Variants in PLAC1 observed in about 807,000 individuals in gnomAD.
PLAC1 encodes placenta associated 1.
For synonymous variants in PLAC1, 68 were observed against 62.1 expected, an observed-to-expected ratio of 1.09 and a Z score of -0.44; for missense variants, 136 against 163.2, an observed-to-expected ratio of 0.83 and a Z score of 0.91.
intron 1 of PLAC1, among the ~76,000 whole-genome samples, chrX:134,744,519 C>T (rs976480036): frequency 1.8e-5 from 2 of 111,469 alleles, no homozygotes; most frequent in Admixed American, 1.9e-4. Flanking sequence ...TACCTGTCCC[C>T]GCTGGGTTAT....
chrX:134,659,526 T>A (rs1258531067), upstream of PLAC1, among the ~76,000 whole-genome samples: 1 of 110,472 alleles, frequency 9.1e-6, no homozygotes, highest in Non-Finnish European at 1.9e-5. Context: ...TGCTGGCCCA[T>A]AAGTGGGGAT....
chrX:134,580,585 C>T (rs1051717142), intron 2 of PLAC1, among the ~76,000 whole-genome samples: 6 of 111,420 alleles, frequency 5.4e-5, no homozygotes, highest in Admixed American at 9.6e-5. Context: ...AGAGTGGCAA[C>T]GGTTGTTTAT....
chrX:134,725,576 C>CTGATAT (rs1275024956), intron 2 of PLAC1, among the ~76,000 whole-genome samples: 1 of 112,248 alleles, frequency 8.9e-6, no homozygotes, highest in Non-Finnish European at 1.9e-5. Context: ...ACACTTTGAA[C>CTGATAT]ATCACTGATA....
intron 2 of PLAC1, among the ~76,000 whole-genome samples, chrX:134,686,125 G>A (rs144716694): frequency 0.012 from 1,376 of 111,855 alleles, 15 homozygotes; most frequent in Middle Eastern, 0.023. Flanking sequence ...GGGTGGAAGA[G>A]TACTCATCCA....
At chrX:134,578,515 CTTTTTTTTTTT>C (rs766626696) in intron 2 of PLAC1, among the ~76,000 whole-genome samples, 34 of 55,970 alleles carry the variant, frequency 6.1e-4, no homozygotes, top group Middle Eastern at 0.043. Context: ...TTCTTTCTTT[CTTTTTTTTTTT>C]TTTTTTTTTT....
At position 134,616,560 on chromosome X, in the gene PLAC1, C is replaced by T. The variant is rs770401260; in HGVS notation, c.-130-14438G>A. ...CTGAGGCAGGAGAATGGTGTGAACC[C>T]GGGAGGCAGAGCTTGCAGTGAGCCG... is the stretch of plus-strand genomic sequence containing the variant. On this transcript the variant is annotated intron_variant, in intron 1 of 2. Transcript: ENST00000359237. Among the ~76,000 whole-genome samples, 512 of 109,107 alleles carry T rather than the reference C, an allele frequency of 4.7e-3. 6 individuals carry two copies. Among genetic ancestry groups the T allele is most frequent in the African/African-American group, 0.015 (445 of 30,119 alleles). 94.7% of individuals were successfully genotyped at this position (109,107 alleles called of 115,157 possible).
intron 2 of PLAC1, among the ~76,000 whole-genome samples, chrX:134,594,444 T>C (rs950348148): frequency 8.0e-5 from 9 of 112,032 alleles, no homozygotes; most frequent in African/African-American, 2.9e-4. Flanking sequence ...ACTTCTATTT[T>C]CTGGAAGACA....
chrX:134,662,927 TCAAA>T (rs1310319182), upstream of PLAC1, among the ~76,000 whole-genome samples: 4 of 111,946 alleles, frequency 3.6e-5, no homozygotes, highest in Non-Finnish European at 7.5e-5. Context: ...AGATCCTGTC[TCAAA>T]CAAACAAACA....
At chrX:134,609,173 C>T (rs1265196862) in intron 1 of PLAC1, among the ~76,000 whole-genome samples, 1 of 110,988 alleles carries the variant, frequency 9.0e-6, no homozygotes, top group Non-Finnish European at 1.9e-5. Context: ...ATGTCATTGT[C>T]ATCTCCCACC....
At chrX:134,660,368 A>G (rs998010598), upstream of PLAC1, among the ~76,000 whole-genome samples, 1 of 112,134 alleles carries the variant, frequency 8.9e-6, no homozygotes, top group African/African-American at 3.2e-5. Flanking sequence ...AGCCTCCCAA[A>G]GTGCTGGGAT....
At chrX:134,717,799 A>T (rs1602933821) in intron 2 of PLAC1, among the ~76,000 whole-genome samples, 1 of 112,638 alleles carries the variant, frequency 8.9e-6, no homozygotes, top group South Asian at 3.7e-4. Context: ...TCCTTAGTGG[A>T]GTCTTTGCTC....
In PLAC1 at chrX:134,612,370, C is replaced by T. The variant is rs768654494; in HGVS notation, c.-130-10248G>A. On this transcript the variant is annotated intron_variant, in intron 1 of 2. Coordinates refer to ENST00000359237, the MANE Select transcript of PLAC1 (RefSeq NM_021796.4). ...GTATGTAAAGCGTTTAGCACAGTGC[C>T]GGACACATAGGAAGCTCTCAATACA... 1.1e-3 allele frequency among the ~76,000 whole-genome samples: 123 copies of T among 111,997 alleles called. 2 individuals are homozygous for T. Among genetic ancestry groups the T allele is most frequent in the African/African-American group, 3.4e-3 (105 of 30,839 alleles).
chrX:134,721,990 T>C (rs774842640), intron 2 of PLAC1, among the ~76,000 whole-genome samples: 2 of 112,680 alleles, frequency 1.8e-5, no homozygotes, highest in East Asian at 5.5e-4. Flanking sequence ...TTTGAGAATG[T>C]CTGGCATTTC....
chrX:134,566,182 G>T lies in PLAC1; in HGVS notation c.501C>A (p.Val167=), dbSNP rs2077873025. 1 of 1,211,784 alleles carries T rather than the reference G, an allele frequency of 8.3e-7. No individual in the cohort carries two copies. Among genetic ancestry groups the T allele is most frequent in the Non-Finnish European group, 1.1e-6 (1 of 895,503 alleles). ...CCTGGGTATGCTCTTCTTCACTGAA[G>T]ACACAAGGTGGACAATCGCAGTTGG... The part of the protein sequence containing the change: ...QRPNCDCPPC[V]FSEEEHTQVP... The change falls in exon 3 of 3, where the codon GTC becomes GTA. Residue 167 remains valine, a synonymous_variant. Transcript: ENST00000359237.
chrX:134,575,456 AAC>A (rs1491332798), intron 2 of PLAC1, among the ~76,000 whole-genome samples: 102 of 88,703 alleles, frequency 1.1e-3, no homozygotes, highest in Admixed American at 1.6e-3. Flanking sequence ...AAAAAAAACA[AAC>A]AAAAAAAAAA....
intron 2 of PLAC1, among the ~76,000 whole-genome samples, chrX:134,591,163 C>A (rs910242342): frequency 1.8e-5 from 2 of 112,235 alleles, no homozygotes; most frequent in Admixed American, 1.9e-4. Flanking sequence ...TATCTTTCAT[C>A]TTTGAAAATG....
intron 2 of PLAC1, among the ~76,000 whole-genome samples, chrX:134,693,501 T>C (rs2078551184): frequency 8.9e-6 from 1 of 112,110 alleles, no homozygotes; most frequent in South Asian, 3.7e-4. Context: ...GCAATTATTA[T>C]CCTTATTTTA....
At chrX:134,705,837 A>ACT (rs777537888) in intron 2 of PLAC1, among the ~76,000 whole-genome samples, 3 of 112,167 alleles carry the variant, frequency 2.7e-5, no homozygotes, top group African/African-American at 9.7e-5. Context: ...CAGTTTCAAG[A>ACT]CAAGATGAAA....
intron 2 of PLAC1, among the ~76,000 whole-genome samples, chrX:134,717,251 G>A (rs991496185): frequency 1.1e-4 from 12 of 111,468 alleles, no homozygotes; most frequent in South Asian, 3.8e-4. Flanking sequence ...AGTACATTGC[G>A]CACATATGAC....
Sources: gnomAD v4.1 joint callset for allele counts (sites outside exome capture counted in the v4.1 genomes callset) on GRCh38, gnomAD v4.1.1 for gene constraint, MANE v1.5 for transcripts, NCBI Gene and HGNC (gene_info 2026-07-23, HGNC 2026-07-21) for gene names.